The following PMFBP1 variants were observed in gnomAD, a reference collection of about 807,000 sequenced individuals.
PMFBP1 encodes the protein polyamine-modulated factor 1-binding protein 1.
In PMFBP1, 131 loss-of-function variants were observed where a neutral mutation model predicts 137.8. The ratio of observed to expected loss-of-function variants is 0.95; its 90% confidence interval spans 0.82 to 1.10. PMFBP1 has a LOEUF of 1.10. Ranked by LOEUF, PMFBP1 falls within the 50% of genes least tolerant of loss-of-function variation. The probability of loss-of-function intolerance (pLI) is 0.00; values close to 1 mark genes in which losing one functional copy is unlikely to be tolerated. For missense variants in PMFBP1, 1,199 were observed against 1,175.4 expected (o/e 1.02, Z -0.29); for synonymous variants, 490 against 450.4 (o/e 1.09, Z -1.11).
At position 72,122,101 on chromosome 16, in the gene PMFBP1, C is replaced by G. The variant is rs4788461; in HGVS notation, c.2768+813G>C. 8.0e-4 allele frequency among the ~76,000 whole-genome samples: 121 copies of G among 152,008 alleles called. 2 individuals are homozygous for G. Among genetic ancestry groups the G allele is most frequent in the African/African-American group, 2.2e-3 (90 of 41,458 alleles). On this transcript the variant is annotated intron_variant, in intron 19 of 20. Transcript: ENST00000237353. Reference sequence around the variant, plus strand: ...GTCTGTTGTTTCCTTCTTTGTGTTCCTAAGTTCTCATCATTTAGCTCCCAC... The same window carrying G: ...GTCTGTTGTTTCCTTCTTTGTGTTCGTAAGTTCTCATCATTTAGCTCCCAC...
At chr16:72,200,301 T>C in the PMFBP1 span, among the ~76,000 whole-genome samples, 1 of 152,266 alleles carries the variant, frequency 6.6e-6, no homozygotes, top group Non-Finnish European at 1.5e-5. Flanking sequence ...GTCCAGCTGT[T>C]CATGAAACAG....
rs149950926 is a variant in PMFBP1, at chr16:72,136,501, C to G, written c.1150G>C (p.Glu384Gln). ...GTCTCGGTGAACTCCAGCTGCAGCTCCTGCAGCCGGCACTGCAGGATGGTG... is the reference window on the plus strand; with the variant it reads ...GTCTCGGTGAACTCCAGCTGCAGCTGCTGCAGCCGGCACTGCAGGATGGTG... The part of the protein sequence containing the change: ...DITILQCRLQ[E>Q]LQLEFTETQK... The change falls in exon 9 of 21, where the codon GAG becomes CAG. Residue 384 changes from glutamate (E) to glutamine (Q), a missense_variant. Coordinates refer to ENST00000237353, the MANE Select transcript of PMFBP1 (RefSeq NM_031293.3). 1.7e-4 allele frequency: 268 copies of G among 1,613,862 alleles called. No individual in the cohort carries two copies. The African/African-American group carries it at 2.9e-3, about 18-fold the overall frequency.
upstream of PMFBP1, among the ~76,000 whole-genome samples, chr16:72,173,668 A>G (rs113723631): frequency 1.2e-4 from 18 of 152,352 alleles, no homozygotes; most frequent in South Asian, 1.4e-3. Flanking sequence ...GTGTTATATG[A>G]TAAGTTTTTG....
chr16:72,130,906 G>T (rs965333504), intron 10 of PMFBP1, among the ~76,000 whole-genome samples, 184 bp from the exon 11 acceptor site: 1 of 152,124 alleles, frequency 6.6e-6, no homozygotes, highest in Admixed American at 6.6e-5. Context: ...CTTTGTCTCA[G>T]ATGTGGACAC....
the PMFBP1 span, among the ~76,000 whole-genome samples, chr16:72,236,403 G>A: frequency 7.2e-4 from 109 of 152,310 alleles, 1 homozygote; most frequent in Non-Finnish European, 1.3e-4. Context: ...CTACAAGAAA[G>A]AGAGAGCTCA....
chr16:72,136,395 C>T (rs2042631652), intron 9 of PMFBP1, 53 bp downstream of exon 9: 2 of 1,579,848 alleles, frequency 1.3e-6, no homozygotes, highest in Admixed American at 1.8e-5. Flanking sequence ...AATGCCAGGA[C>T]ATGGCCTCAC....
At chr16:72,191,415 G>A in the PMFBP1 span, among the ~76,000 whole-genome samples, 45,578 of 152,098 alleles carry the variant, frequency 0.3, 7,089 homozygotes, top group South Asian at 0.41. Context: ...TATTTTTCAA[G>A]TGATTTATTG....
intron 4 of PMFBP1, among the ~76,000 whole-genome samples, chr16:72,153,776 G>A (rs1305520919): frequency 6.8e-6 from 1 of 146,610 alleles, no homozygotes; most frequent in Non-Finnish European, 1.5e-5. Context: ...TAGTGTGCAC[G>A]TGCCAGGAAT....
the PMFBP1 span, among the ~76,000 whole-genome samples, chr16:72,229,169 G>T: frequency 2.0e-5 from 3 of 152,106 alleles, no homozygotes; most frequent in Non-Finnish European, 4.4e-5. Context: ...CCATGTTGCT[G>T]TCAAGTATAT....
the PMFBP1 span, among the ~76,000 whole-genome samples, chr16:72,241,767 A>ATGTAAGT: frequency 6.6e-6 from 1 of 152,150 alleles, no homozygotes; most frequent in Non-Finnish European, 1.5e-5. Flanking sequence ...TCTTTTTCAA[A>ATGTAAGT]TGTAAGTTTG....
At chr16:72,186,938 C>T in the PMFBP1 span, among the ~76,000 whole-genome samples, 1 of 151,908 alleles carries the variant, frequency 6.6e-6, no homozygotes, top group African/African-American at 2.4e-5. Context: ...CATGGCAAAA[C>T]CCCATCTCTA....
At chr16:72,240,903 G>A in the PMFBP1 span, among the ~76,000 whole-genome samples, 106 of 151,306 alleles carry the variant, frequency 7.0e-4, no homozygotes, top group African/African-American at 2.4e-3. Flanking sequence ...GTGTTGGGTG[G>A]TGTGTGTGTG....
the PMFBP1 span, among the ~76,000 whole-genome samples, chr16:72,210,884 T>C: frequency 1.3e-5 from 2 of 152,152 alleles, no homozygotes; most frequent in Admixed American, 1.3e-4. Flanking sequence ...CCACCTTTAC[T>C]AAAATGATCC....
At chr16:72,159,172 G>C (rs1458523223) in intron 3 of PMFBP1, among the ~76,000 whole-genome samples, 1 of 152,166 alleles carries the variant, frequency 6.6e-6, no homozygotes, top group East Asian at 1.9e-4. Flanking sequence ...TGAGAGAAAT[G>C]CTCTTCTTTT....
chr16:72,157,387 G>C (rs893346909), intron 3 of PMFBP1, among the ~76,000 whole-genome samples: 6 of 152,048 alleles, frequency 3.9e-5, no homozygotes, highest in African/African-American at 1.5e-4. Context: ...TGTTTGCATG[G>C]AAGGCCAAAT....
Position 72,122,947 on chromosome 16 carries a change from A to G in PMFBP1, c.2735T>C (p.Val912Ala), listed in dbSNP as rs142225778. The change falls in exon 19 of 21, where the codon GTG (valine) becomes GCG (alanine). Residue 912 changes from valine (V) to alanine (A), a missense_variant. Val to Ala is a moderately conservative substitution (Grantham distance 64). Coordinates refer to ENST00000237353, the MANE Select transcript of PMFBP1 (RefSeq NM_031293.3). ...GCCACTCAGCTTGGCAATGTATTTC[A>G]CCTGCTCTCGGAGCTGGTTTCCTAG... ...EKLGNQLREQ[V>A]KYIAKLSGEK... 96 of 1,613,220 alleles carry G rather than the reference A, an allele frequency of 6.0e-5. No individual in the cohort carries two copies. Among genetic ancestry groups the G allele is most frequent in the Non-Finnish European group, 7.6e-5 (90 of 1,179,966 alleles).
At chr16:72,229,360 G>T in the PMFBP1 span, among the ~76,000 whole-genome samples, 1 of 151,992 alleles carries the variant, frequency 6.6e-6, no homozygotes, top group Admixed American at 6.6e-5. Flanking sequence ...TATTCCTTTG[G>T]GTATGTAACC....
At chr16:72,246,938 T>G in the PMFBP1 span, among the ~76,000 whole-genome samples, 1 of 152,184 alleles carries the variant, frequency 6.6e-6, no homozygotes, top group Non-Finnish European at 1.5e-5. Context: ...AGATGCCCAC[T>G]GTTTGATACC....
the PMFBP1 span, among the ~76,000 whole-genome samples, chr16:72,220,796 G>C: frequency 1.3e-5 from 2 of 152,168 alleles, no homozygotes; most frequent in African/African-American, 2.4e-5. Flanking sequence ...GGGGACCCAG[G>C]GCTCTGAACA....
Sources: gnomAD v4.1 joint callset for allele counts (sites outside exome capture counted in the v4.1 genomes callset) on GRCh38, gnomAD v4.1.1 for gene constraint, MANE v1.5 for transcripts, NCBI Gene and HGNC (gene_info 2026-07-23, HGNC 2026-07-21) for gene names.